CAMTA1: variants seen among roughly 807,000 people sequenced by gnomAD.
CAMTA1 encodes the protein calmodulin binding transcription activator 1.
CAMTA1 carries 27 observed loss-of-function variants against 170.9 expected under a neutral mutation model. The observed-to-expected ratio is 0.16, with a 90% CI of 0.12 to 0.22. CAMTA1 has a LOEUF of 0.22. CAMTA1 is among the 10% of genes least tolerant of loss of function. CAMTA1 has a pLI of 1.00. For missense variants in CAMTA1, 1,619 were observed against 2,217.2 expected, an observed-to-expected ratio of 0.73 and a Z score of 5.42; for synonymous variants, 833 against 891.5, an observed-to-expected ratio of 0.93 and a Z score of 1.17.
intron 4 of CAMTA1, among the ~76,000 whole-genome samples, chr1:7,147,521 TCA>T (rs1646279354): frequency 7.3e-6 from 1 of 136,206 alleles, no homozygotes; most frequent in Non-Finnish European, 1.6e-5. Context: ...GCATGCACAC[TCA>T]CACACTCAAA....
chr1:7,560,383 G>A (rs2094940376), intron 6 of CAMTA1, among the ~76,000 whole-genome samples: 1 of 152,258 alleles, frequency 6.6e-6, no homozygotes, highest in Non-Finnish European at 1.5e-5. Flanking sequence ...AGGCTGAGCA[G>A]AGTCTAACAG....
intron 5 of CAMTA1, among the ~76,000 whole-genome samples, chr1:7,466,524 G>T (rs1489634327): frequency 6.6e-6 from 1 of 152,212 alleles, no homozygotes. Context: ...TCTTTTGGGG[G>T]TGTAAATAAT....
intron 6 of CAMTA1, among the ~76,000 whole-genome samples, chr1:7,475,991 C>T (rs2093414340): frequency 6.6e-6 from 1 of 151,892 alleles, no homozygotes; most frequent in South Asian, 2.1e-4. Flanking sequence ...CTCACAGGGA[C>T]CAGTCCTGAT....
At chr1:7,521,191 A>G (rs1174481503) in intron 6 of CAMTA1, among the ~76,000 whole-genome samples, 1 of 152,156 alleles carries the variant, frequency 6.6e-6, no homozygotes, top group East Asian at 1.9e-4. Flanking sequence ...AAGCATGGTG[A>G]TGGTAGACAG....
chr1:7,125,952 A>C (rs1054558702), intron 4 of CAMTA1, among the ~76,000 whole-genome samples: 1 of 152,128 alleles, frequency 6.6e-6, no homozygotes, highest in African/African-American at 2.4e-5. Context: ...AAAGAAAAAG[A>C]GGTTTGAGGT....
chr1:7,398,842 C>T (rs967273266), intron 5 of CAMTA1, among the ~76,000 whole-genome samples: 2 of 152,056 alleles, frequency 1.3e-5, no homozygotes, highest in Admixed American at 1.3e-4. Context: ...ACGGGGTTTA[C>T]ATTAACAATC....
rs917382051 is a variant in CAMTA1, at chr1:7,570,967, G to A, written c.511-69433G>A. The stretch of plus-strand genomic sequence containing the variant: ...TTTCTGTGTCGCCGGAGGTTGTGAG[G>A]ATTAAAGGTGGTGTATCTGTAAGGT... On this transcript the variant is annotated intron_variant, in intron 6 of 22. Transcript: ENST00000303635. This position sits in a 1 kb window ranked among gnomAD's most constrained non-coding sequence, Gnocchi z 4.3. Among the ~76,000 whole-genome samples the A allele has an allele frequency of 6.6e-6, 1 of 152,142 alleles. No individual in the cohort carries two copies. Among genetic ancestry groups the A allele is most frequent in the Non-Finnish European group, 1.5e-5 (1 of 68,030 alleles).
At chr1:7,357,152 G>A (rs1183660935) in intron 5 of CAMTA1, among the ~76,000 whole-genome samples, 1 of 152,228 alleles carries the variant, frequency 6.6e-6, no homozygotes, top group Non-Finnish European at 1.5e-5. Context: ...TGAAACCAAG[G>A]GCCCTGCGAT....
intron 22 of CAMTA1, among the ~76,000 whole-genome samples, chr1:7,756,714 A>G (rs1406502619): frequency 6.6e-6 from 1 of 151,884 alleles, no homozygotes; most frequent in African/African-American, 2.4e-5. Context: ...CAGGCGTGGT[A>G]GGGCATGCCT....
intron 3 of CAMTA1, among the ~76,000 whole-genome samples, chr1:6,870,073 T>G (rs1667947005): frequency 6.6e-6 from 1 of 152,220 alleles, no homozygotes; most frequent in African/African-American, 2.4e-5. Flanking sequence ...GGTTTACTTT[T>G]TCCCCTTTTT....
At chr1:7,523,277 T>C (rs968602183) in intron 6 of CAMTA1, among the ~76,000 whole-genome samples, 3 of 152,242 alleles carry the variant, frequency 2.0e-5, no homozygotes, top group Non-Finnish European at 2.9e-5. Context: ...TATTTATTCT[T>C]CTCTGTCAAG....
At chr1:7,499,183 T>TGA (rs1180527652) in intron 6 of CAMTA1, among the ~76,000 whole-genome samples, 1 of 133,426 alleles carries the variant, frequency 7.5e-6, no homozygotes, top group East Asian at 2.3e-4. Context: ...TGTCCATGAG[T>TGA]GTGCAGAGAG....
chr1:7,138,055 G>A (rs957434883), intron 4 of CAMTA1, among the ~76,000 whole-genome samples: 1 of 152,144 alleles, frequency 6.6e-6, no homozygotes, highest in Non-Finnish European at 1.5e-5. Flanking sequence ...GCACAATCAT[G>A]GCTCACTGCA....
intron 3 of CAMTA1, among the ~76,000 whole-genome samples, chr1:7,030,601 A>T (rs1702647198): frequency 6.6e-6 from 1 of 152,226 alleles, no homozygotes; most frequent in Admixed American, 6.5e-5. Context: ...TGTTATTATT[A>T]ATAATTTCTA....
At position 7,035,400 on chromosome 1, in the gene CAMTA1, C is replaced by CA. The variant is rs34384173; in HGVS notation, c.235-55891dup. 6.3e-3 allele frequency among the ~76,000 whole-genome samples: 885 copies of CA among 139,904 alleles called. 9 individuals carry two copies. Among genetic ancestry groups the CA allele is most frequent in the African/African-American group, 0.019 (756 of 39,258 alleles). The allele number at this position is 139,904 out of a possible 152,430, so 91.8% of individuals were successfully genotyped here. On this transcript the variant is annotated intron_variant, in intron 3 of 22. Transcript: ENST00000303635. ...GGGCAACAAGAGCGAAACTCGGTCT[C>CA]AAAAAAAAAAAAATCTTATTTTGAT...
At chr1:7,615,064 T>A (rs2095550233) in intron 6 of CAMTA1, among the ~76,000 whole-genome samples, 1 of 152,214 alleles carries the variant, frequency 6.6e-6, no homozygotes, top group Non-Finnish European at 1.5e-5. Flanking sequence ...CATTCGTTCA[T>A]GTGTGTATTC....
chr1:7,044,899 A>T lies in CAMTA1; in HGVS notation c.235-46405A>T, dbSNP rs926618886. On this transcript the variant is annotated intron_variant, in intron 3 of 22. Transcript: ENST00000303635. This position sits in a 1 kb window ranked among gnomAD's most constrained non-coding sequence, Gnocchi z 5.0. ...CATTAACATCCCGCCATTTTGATTA[A>T]AAAAAAAAATCCCCCAAAATAAAAA... Among the ~76,000 whole-genome samples the T allele has an allele frequency of 2.3e-3, 8 of 3,410 alleles. No individual in the cohort carries two copies. Among genetic ancestry groups the T allele is most frequent in the Middle Eastern group, 0.071 (1 of 14 alleles). 2.2% of individuals were successfully genotyped at this position (3,410 alleles called of 152,430 possible).
chr1:7,596,682 G>A (rs1181194645), intron 6 of CAMTA1, among the ~76,000 whole-genome samples: 4 of 152,218 alleles, frequency 2.6e-5, no homozygotes, highest in Non-Finnish European at 4.4e-5. Flanking sequence ...ATTTTCCTCT[G>A]TGGTTGAATT....
At chr1:7,344,787 GC>G (rs911828610) in intron 5 of CAMTA1, among the ~76,000 whole-genome samples, 130 of 145,596 alleles carry the variant, frequency 8.9e-4, no homozygotes, top group African/African-American at 3.2e-3. Flanking sequence ...TCGCTCTGTT[GC>G]CCAGGCTGGA....
Sources: allele counts gnomAD v4.1 joint callset (sites outside exome capture counted in the v4.1 genomes callset), GRCh38; gene constraint gnomAD v4.1.1; non-coding constraint Gnocchi (gnomAD v3.1); transcripts MANE v1.5; gene names NCBI Gene and HGNC (gene_info 2026-07-23, HGNC 2026-07-21).